TIGAR: variants seen among roughly 807,000 people sequenced by gnomAD.
TIGAR encodes the protein fructose-2,6-bisphosphatase TIGAR.
Under a neutral mutation model 17.9 loss-of-function variants are expected in TIGAR, and 7 were observed. The ratio of observed to expected loss-of-function variants is 0.39; its 90% confidence interval spans 0.22 to 0.73. The LOEUF (loss-of-function observed/expected upper bound fraction) is 0.73. TIGAR is among the 30% of genes least tolerant of loss of function. The pLI is 0.42. For synonymous variants in TIGAR, 94 were observed against 108.6 expected (o/e 0.87, Z 0.84); for missense variants, 258 against 327.4 (o/e 0.79, Z 1.64).
chr12:4,350,025 AC>A (rs1864820816), intron 4 of TIGAR, 129 bp downstream of exon 4: 2 of 630,748 alleles, frequency 3.2e-6, no homozygotes, highest in Admixed American at 7.1e-5. Flanking sequence ...TTAAGAATCT[AC>A]CATATGACAG....
chr12:4,335,799 C>T (rs897433410), intron 2 of TIGAR: 2 of 152,150 alleles, frequency 1.3e-5, no homozygotes, highest in South Asian at 2.1e-4. Context: ...GTATCTGTGC[C>T]GTGTACTGGG....
intron 3 of TIGAR, among the ~76,000 whole-genome samples, chr12:4,347,371 A>G (rs1864792149): frequency 6.6e-6 from 1 of 152,082 alleles, no homozygotes; most frequent in African/African-American, 2.4e-5. Context: ...ATGGAGATAG[A>G]GAGTAGAAGG....
chr12:4,331,302 G>C lies in TIGAR; in HGVS notation c.55G>C (p.Glu19Gln). The C allele has an allele frequency of 1.9e-6, 3 of 1,609,928 alleles. No individual in the cohort carries two copies. The South Asian group carries it at 3.3e-5, about 18-fold the overall frequency. ...TAGTGGAGAAACAAGATTTAACAAG[G>C]AGAAAATAATCCAAGGTTGGTATAA... ...VRHGETRFNK[E>Q]KIIQGQGVDE... The change falls in exon 2 of 6, where the codon GAG (glutamate) becomes CAG (glutamine). Residue 19 changes from glutamate to glutamine, a missense_variant. By Grantham distance (29) the Glu-to-Gln change is conservative (BLOSUM62 2). Transcript: ENST00000179259.
intron 3 of TIGAR, among the ~76,000 whole-genome samples, chr12:4,347,666 A>G (rs562666018): frequency 1.2e-4 from 18 of 152,338 alleles, no homozygotes; most frequent in Admixed American, 1.2e-3. Context: ...TGCCCCATAA[A>G]TATATACATT....
chr12:4,324,787 G>T, intron 1 of TIGAR: 3 of 645,168 alleles, frequency 4.6e-6, no homozygotes, highest in Non-Finnish European at 8.6e-6. Flanking sequence ...CGGAAGGTCC[G>T]CTTCTTCTGC....
Position 4,355,083 on chromosome 12 carries a change from C to A in TIGAR, c.*2392C>A, listed in dbSNP as rs897358989. 2.6e-5 allele frequency among the ~76,000 whole-genome samples: 4 copies of A among 151,990 alleles called. No homozygotes were observed. The highest frequency in any genetic ancestry group is 9.7e-5 in the African/African-American group (4 of 41,368). Reference sequence around the variant, plus strand: ...TTAATTTTTAAGACAAACCAATATACCTTATCCTTTATGGGGTTTTTTTGG... The same window carrying A: ...TTAATTTTTAAGACAAACCAATATAACTTATCCTTTATGGGGTTTTTTTGG... On this transcript the variant is annotated 3_prime_UTR_variant, in exon 6 of 6. Coordinates refer to ENST00000179259, the MANE Select transcript of TIGAR (RefSeq NM_020375.3).
Position 4,352,778 on chromosome 12 carries a change from G to C in TIGAR, c.*87G>C. 7.2e-7 allele frequency: 1 copy of C among 1,380,714 alleles called. No individual in the cohort carries two copies. Among genetic ancestry groups the C allele is most frequent in the South Asian group, 1.5e-5 (1 of 68,052 alleles). 85.5% of individuals were successfully genotyped at this position (1,380,714 alleles called of 1,614,324 possible). A position where few individuals can be genotyped will look rare whatever the true frequency, so the allele number is the denominator to read the frequency against. Reference sequence around the variant, plus strand: ...TTTACTTCTCTCCTCTGCTAGTTCTGATTTGGAAACAGTTAAAAGCCAATT... The same window carrying C: ...TTTACTTCTCTCCTCTGCTAGTTCTCATTTGGAAACAGTTAAAAGCCAATT... On this transcript the variant is annotated 3_prime_UTR_variant, in exon 6 of 6. Coordinates refer to ENST00000179259, the MANE Select transcript of TIGAR (RefSeq NM_020375.3).
rs573708236 is a variant in TIGAR at position 4,355,150 on chromosome 12, G to A, written c.*2459G>A. ...GACTTCTCTACCATGAGGTCATACA[G>A]TAATGTCTTCTTACAGTTTTTGAGA... On this transcript the variant is annotated 3_prime_UTR_variant, in exon 6 of 6. Transcript: ENST00000179259. Among the ~76,000 whole-genome samples, 3 of 152,218 alleles carry A rather than the reference G, an allele frequency of 2.0e-5. No individual in the cohort carries two copies. The East Asian group carries it at 5.8e-4, about 29-fold the overall frequency.
intron 2 of TIGAR, among the ~76,000 whole-genome samples, chr12:4,336,443 G>T (rs1864658379): frequency 8.3e-6 from 1 of 121,112 alleles, no homozygotes; most frequent in African/African-American, 3.5e-5. Flanking sequence ...GCCCAGCAAT[G>T]CAGCACACAC....
At chr12:4,351,468 G>T in intron 5 of TIGAR, 91 bp downstream of exon 5, 1 of 958,402 alleles carries the variant, frequency 1.0e-6, no homozygotes, top group South Asian at 1.5e-5. Flanking sequence ...AAGTTGCTTG[G>T]TTCATTCTCT....
chr12:4,321,390 C>T lies in TIGAR; in HGVS notation c.32+87C>T. The T allele has an allele frequency of 6.4e-7, 1 of 1,563,760 alleles. No homozygotes were observed. Among genetic ancestry groups the T allele is most frequent in the Non-Finnish European group, 8.7e-7 (1 of 1,151,486 alleles). On this transcript the variant is annotated intron_variant, in intron 1 of 5. Coordinates refer to ENST00000179259, the MANE Select transcript of TIGAR (RefSeq NM_020375.3). The surrounding 1 kb of genome is among the most constrained non-coding windows in gnomAD (Gnocchi z 5.2). Reference sequence around the variant, plus strand: ...GAAGGGAAAACGGGTCCACCACCCTCTCCCCTCCCTGCTCGCTCCAGCCCG... The same window carrying T: ...GAAGGGAAAACGGGTCCACCACCCTTTCCCCTCCCTGCTCGCTCCAGCCCG...
At chr12:4,331,170 G>A in intron 1 of TIGAR, 110 bp from the exon 2 acceptor site, 1 of 942,396 alleles carries the variant, frequency 1.1e-6, no homozygotes, top group Non-Finnish European at 1.7e-6. Context: ...TGTGTTACAA[G>A]TTTCACATGA....
Position 4,321,432 on chromosome 12 carries a change from A to G in TIGAR, c.32+129A>G. 7.1e-7 allele frequency: 1 copy of G among 1,400,298 alleles called. No homozygotes were observed. Among genetic ancestry groups the G allele is most frequent in the South Asian group, 1.3e-5 (1 of 79,992 alleles). 86.7% of individuals were successfully genotyped at this position (1,400,298 alleles called of 1,614,324 possible). A position where few individuals can be genotyped will look rare whatever the true frequency, so the allele number is the denominator to read the frequency against. Reference sequence around the variant, plus strand: ...TCCAGCCCGGGAGGGCTGGCTTGGAAGCGCTTTTTCCGGGGCGCTTGCCCT... The same window carrying G: ...TCCAGCCCGGGAGGGCTGGCTTGGAGGCGCTTTTTCCGGGGCGCTTGCCCT... On this transcript the variant is annotated intron_variant, in intron 1 of 5. Coordinates refer to ENST00000179259, the MANE Select transcript of TIGAR (RefSeq NM_020375.3). This position sits in a 1 kb window ranked among gnomAD's most constrained non-coding sequence, Gnocchi z 5.2.
At position 4,352,964 on chromosome 12, in the gene TIGAR, G is replaced by T; in HGVS notation, c.*273G>T. On this transcript the variant is annotated 3_prime_UTR_variant, in exon 6 of 6. Transcript: ENST00000179259. Reference sequence around the variant, plus strand: ...ATGGATGATGAAGGAACTCAGCATTGAAAGTTGGGGGATTAGTAACCTTGT... The same window carrying T: ...ATGGATGATGAAGGAACTCAGCATTTAAAGTTGGGGGATTAGTAACCTTGT... 2 of 383,050 alleles carry T rather than the reference G, an allele frequency of 5.2e-6. No individual in the cohort carries two copies. Among genetic ancestry groups the T allele is most frequent in the South Asian group, 6.9e-5 (1 of 14,508 alleles). The allele number at this position is 383,050 out of a possible 1,614,324, so 23.7% of individuals were successfully genotyped here.
At chr12:4,342,422 G>C (rs1049426960) in intron 3 of TIGAR, among the ~76,000 whole-genome samples, 1 of 152,140 alleles carries the variant, frequency 6.6e-6, no homozygotes, top group Non-Finnish European at 1.5e-5. Flanking sequence ...GCAACTCCAA[G>C]ATGCATAATT....
chr12:4,340,472 A>C (rs566851193), intron 3 of TIGAR, among the ~76,000 whole-genome samples: 49 of 152,318 alleles, frequency 3.2e-4, no homozygotes, highest in African/African-American at 1.1e-3. Context: ...TGTTCATACT[A>C]CCCAAAGCAA....
rs773877301 is a variant in TIGAR, at chr12:4,351,273, G to C, written c.277G>C (p.Gly93Arg). The change falls in exon 5 of 6, where the codon GGG (glycine) becomes CGG (arginine). Residue 93 changes from glycine to arginine, a missense_variant. By Grantham distance (125) the Gly-to-Arg change is moderately radical. Transcript: ENST00000179259. ...YDSRLRERKY[G>R]VVEGKALSEL... The stretch of plus-strand genomic sequence containing the variant: ...ATCTATTGGACTGTTTCAGAAATAC[G>C]GGGTTGTAGAAGGCAAAGCGCTAAG... 1 of 1,613,886 alleles carries C rather than the reference G, an allele frequency of 6.2e-7. No homozygotes were observed.
intron 3 of TIGAR, among the ~76,000 whole-genome samples, chr12:4,341,516 G>A (rs992538959): frequency 1.3e-5 from 2 of 152,168 alleles, no homozygotes; most frequent in African/African-American, 4.8e-5. Flanking sequence ...CACCTCACAC[G>A]GCCGGGTACC....
At position 4,352,262 on chromosome 12, in the gene TIGAR, G is replaced by A. The variant is rs1271694892; in HGVS notation, c.384G>A (p.Val128=). 6.2e-7 allele frequency: 1 copy of A among 1,604,042 alleles called. No individual in the cohort carries two copies. Among genetic ancestry groups the A allele is most frequent in the Non-Finnish European group, 8.5e-7 (1 of 1,174,990 alleles). ...TPPGGETLDQ[V]KMRGIDFFEF... ...GACTTTTATTTCTTTTCTTGTAGGT[G>A]AAAATGCGTGGAATAGACTTTTTTG... is the stretch of plus-strand genomic sequence containing the variant. Residue 128 remains valine (V), a splice_region_variant and synonymous_variant, in exon 6 of 6, where the codon GTG becomes GTA. Transcript: ENST00000179259.
Sources: allele counts gnomAD v4.1 joint callset (sites outside exome capture counted in the v4.1 genomes callset), GRCh38; gene constraint gnomAD v4.1.1; non-coding constraint Gnocchi (gnomAD v3.1); transcripts MANE v1.5; gene names NCBI Gene and HGNC (gene_info 2026-07-23, HGNC 2026-07-21).